Variants in ENOX1 observed in about 807,000 individuals in gnomAD.
ENOX1 encodes the protein ecto-NOX disulfide-thiol exchanger 1, also known as candidate growth-related and time keeping constitutive hydroquinone (NADH) oxidase.
ENOX1 carries 42 observed loss-of-function variants against 82.5 expected under a neutral mutation model. The observed-to-expected ratio is 0.51, with a 90% CI of 0.40 to 0.66. The LOEUF (loss-of-function observed/expected upper bound fraction) is 0.66. Among genes scored for constraint, ENOX1 ranks in the 30% least tolerant of loss-of-function variants. The pLI is 0.00. For synonymous variants in ENOX1, 271 were observed against 282.2 expected (o/e 0.96, Z 0.40); for missense variants, 608 against 811.6 (o/e 0.75, Z 3.05).
intron 11 of ENOX1, among the ~76,000 whole-genome samples, chr13:43,309,922 A>G (rs9533446): frequency 0.95 from 145,155 of 152,256 alleles, 69,612 homozygotes; most frequent in East Asian, 1. Context: ...AATCCTCTGC[A>G]ACTGGGCGTG....
chr13:43,317,832 C>T (rs572337350), intron 11 of ENOX1, among the ~76,000 whole-genome samples: 4 of 151,868 alleles, frequency 2.6e-5, no homozygotes, highest in Admixed American at 1.3e-4. Context: ...GGTGAAACCC[C>T]GTCTCTACTA....
At chr13:43,343,716 C>A (rs2049200093) in intron 9 of ENOX1, among the ~76,000 whole-genome samples, 1 of 152,174 alleles carries the variant, frequency 6.6e-6, no homozygotes, top group Admixed American at 6.5e-5. Flanking sequence ...GTCACTACCA[C>A]ATAGGGCCCT....
At chr13:43,512,893 A>T (rs1339573434) in intron 2 of ENOX1, among the ~76,000 whole-genome samples, 1 of 152,120 alleles carries the variant, frequency 6.6e-6, no homozygotes, top group Admixed American at 6.6e-5. Flanking sequence ...GTATTTATTA[A>T]GCACCTAAGA....
intron 2 of ENOX1, among the ~76,000 whole-genome samples, chr13:43,538,544 AAATT>A (rs1424302656): frequency 2.6e-5 from 4 of 152,230 alleles, no homozygotes; most frequent in Admixed American, 6.5e-5. Flanking sequence ...TTAGTATGAA[AAATT>A]ACATTGAGTC....
intron 2 of ENOX1, among the ~76,000 whole-genome samples, chr13:43,527,635 A>AT (rs542462221): frequency 1.4e-3 from 213 of 152,248 alleles, no homozygotes; most frequent in African/African-American, 4.9e-3. Flanking sequence ...TCACTGAAAC[A>AT]TTCATTCTGT....
chr13:43,661,430 G>A (rs1159636880), intron 2 of ENOX1, among the ~76,000 whole-genome samples: 1 of 152,180 alleles, frequency 6.6e-6, no homozygotes, highest in Non-Finnish European at 1.5e-5. Flanking sequence ...GAACACAGAT[G>A]CTTTCAAACC....
intron 2 of ENOX1, among the ~76,000 whole-genome samples, chr13:43,508,868 G>A (rs1401367582): frequency 6.6e-6 from 1 of 151,854 alleles, no homozygotes; most frequent in Admixed American, 6.6e-5. Context: ...GTGGGATCCA[G>A]GACTATAGTT....
At chr13:43,517,584 T>A (rs577463926) in intron 2 of ENOX1, among the ~76,000 whole-genome samples, 78 of 152,226 alleles carry the variant, frequency 5.1e-4, no homozygotes, top group African/African-American at 1.8e-3. Context: ...ATGGAATAAA[T>A]CCCAATCAAT....
intron 5 of ENOX1, among the ~76,000 whole-genome samples, chr13:43,375,368 G>C (rs985116179): frequency 6.6e-6 from 1 of 152,110 alleles, no homozygotes; most frequent in Non-Finnish European, 1.5e-5. Flanking sequence ...GTTAGGGTCA[G>C]CCAGTTTTTA....
At chr13:43,763,359 A>C (rs1197454738) in intron 1 of ENOX1, among the ~76,000 whole-genome samples, 1 of 152,152 alleles carries the variant, frequency 6.6e-6, no homozygotes, top group Non-Finnish European at 1.5e-5. Flanking sequence ...TAAAGGGGGC[A>C]AGGGAGTGCT....
intron 16 of ENOX1, among the ~76,000 whole-genome samples, chr13:43,215,989 G>A (rs1319737677): frequency 6.6e-6 from 1 of 152,150 alleles, no homozygotes; most frequent in Non-Finnish European, 1.5e-5. Context: ...GAGGTCAGGA[G>A]ATCGAGGCCA....
At chr13:43,706,609 G>C (rs1300770726) in intron 1 of ENOX1, among the ~76,000 whole-genome samples, 1 of 151,328 alleles carries the variant, frequency 6.6e-6, no homozygotes, top group Non-Finnish European at 1.5e-5. Context: ...AACTGTATCT[G>C]ATTAACAAAA....
At chr13:43,744,073 G>A (rs1457772226) in intron 1 of ENOX1, among the ~76,000 whole-genome samples, 2 of 152,140 alleles carry the variant, frequency 1.3e-5, no homozygotes, top group African/African-American at 2.4e-5. Context: ...TGGTGATGGG[G>A]CTTCCAACAC....
chr13:43,438,843 G>A (rs879399838), intron 3 of ENOX1, among the ~76,000 whole-genome samples: 9 of 152,096 alleles, frequency 5.9e-5, no homozygotes, highest in Admixed American at 5.9e-4. Context: ...AGCTCCAAAG[G>A]AGATTCTGAT....
intron 12 of ENOX1, among the ~76,000 whole-genome samples, chr13:43,284,831 T>C (rs1339198800): frequency 1.5e-5 from 2 of 133,382 alleles, no homozygotes; most frequent in African/African-American, 5.8e-5. Context: ...AGAGGGGAGA[T>C]AGGAATAGAG....
chr13:43,411,922 C>T lies in ENOX1; in HGVS notation c.202G>A (p.Val68Met), dbSNP rs200626972. 1.9e-4 allele frequency: 308 copies of T among 1,614,162 alleles called. 1 individual carries two copies. The highest frequency in any genetic ancestry group is 2.4e-4 in the Non-Finnish European group (281 of 1,180,002). ...VPVGLPGQQL[V>M]SDSICVPGFD... ...AAACCAGGAGAAAGCTTACCAGACACGAGCTGCTGTCCAGGCAACCCTACG... is the reference window on the plus strand; with the variant it reads ...AAACCAGGAGAAAGCTTACCAGACATGAGCTGCTGTCCAGGCAACCCTACG... Residue 68 changes from valine to methionine, a missense_variant, in exon 5 of 17, where the codon GTG becomes ATG. Transcript: ENST00000690772.
intron 1 of ENOX1, among the ~76,000 whole-genome samples, chr13:43,720,679 C>T (rs2088509688): frequency 6.6e-6 from 1 of 152,190 alleles, no homozygotes; most frequent in African/African-American, 2.4e-5. Context: ...TGATGGGACA[C>T]TAGAGCATGG....
At chr13:43,676,479 G>T (rs550463572) in intron 1 of ENOX1, among the ~76,000 whole-genome samples, 6 of 152,142 alleles carry the variant, frequency 3.9e-5, no homozygotes, top group Non-Finnish European at 8.8e-5. Context: ...CTCAAATTTA[G>T]AAGTCTGAAA....
At chr13:43,410,010 T>C (rs2054025893) in intron 5 of ENOX1, among the ~76,000 whole-genome samples, 1 of 152,152 alleles carries the variant, frequency 6.6e-6, no homozygotes, top group African/African-American at 2.4e-5. Context: ...ACACAGGAGA[T>C]AGAAAAAGTA....
Sources: allele counts gnomAD v4.1 joint callset (sites outside exome capture counted in the v4.1 genomes callset), GRCh38; gene constraint gnomAD v4.1.1; transcripts MANE v1.5; gene names NCBI Gene and HGNC (gene_info 2026-07-23, HGNC 2026-07-21).